Variants in SDK1 observed in about 807,000 individuals in gnomAD.
SDK1 encodes the protein sidekick cell adhesion molecule 1.
SDK1 carries 157 observed loss-of-function variants against 245.5 expected under a neutral mutation model. The ratio of observed to expected loss-of-function variants is 0.64; its 90% confidence interval spans 0.56 to 0.73. The LOEUF is 0.73. SDK1 is among the 30% of genes least tolerant of loss of function. The pLI is 0.00. For synonymous variants in SDK1, 1,647 were observed against 1,278.5 expected, an observed-to-expected ratio of 1.29 and a Z score of -6.15; for missense variants, 3,583 against 3,002.3, an observed-to-expected ratio of 1.19 and a Z score of -4.52.
At chr7:3,358,466 T>C (rs1780867484) in intron 1 of SDK1, among the ~76,000 whole-genome samples, 1 of 152,140 alleles carries the variant, frequency 6.6e-6, no homozygotes, top group African/African-American at 2.4e-5. Flanking sequence ...TTCTCTTTTC[T>C]TTTTTTCCCC....
intron 23 of SDK1, among the ~76,000 whole-genome samples, chr7:4,112,556 A>G (rs1025974649): frequency 1.3e-5 from 2 of 152,146 alleles, no homozygotes; most frequent in Admixed American, 1.3e-4. Flanking sequence ...TGATATTCCA[A>G]TTCTGTCCCA....
Position 4,017,648 on chromosome 7 carries a change from C to G in SDK1, c.2602+296C>G, listed in dbSNP as rs17134179. Among the ~76,000 whole-genome samples, 1,481 of 152,240 alleles carry G rather than the reference C, an allele frequency of 9.7e-3. 23 individuals carry two copies. The highest frequency in any genetic ancestry group is 0.034 in the African/African-American group (1,420 of 41,550). ...GAAAAGTCTGTGGAACTGGATTTTT[C>G]TAAATGGAATGATTGTAGGTTTTCA... On this transcript the variant is annotated intron_variant, in intron 17 of 44. Coordinates refer to ENST00000404826, the MANE Select transcript of SDK1 (RefSeq NM_152744.4).
chr7:4,232,669 G>T (rs1241299070), intron 40 of SDK1, among the ~76,000 whole-genome samples: 1 of 151,354 alleles, frequency 6.6e-6, no homozygotes, highest in Non-Finnish European at 1.5e-5. Context: ...TCCCTGTGTT[G>T]CCCAGGCTGG....
At chr7:4,175,653 G>A (rs575159971) in intron 33 of SDK1, 122 bp from the exon 34 acceptor site, 526 of 821,496 alleles carry the variant, frequency 6.4e-4, no homozygotes, top group Non-Finnish European at 8.9e-4. Context: ...CCCGGGAGGC[G>A]CAGCGTGGGA....
At chr7:3,989,264 C>G (rs1784110504) in intron 14 of SDK1, among the ~76,000 whole-genome samples, 2 of 152,186 alleles carry the variant, frequency 1.3e-5, no homozygotes. Context: ...TGGCGGCAGA[C>G]AAGAGAAGAC....
At chr7:3,386,671 C>G (rs912304331) in intron 1 of SDK1, among the ~76,000 whole-genome samples, 13 of 152,278 alleles carry the variant, frequency 8.5e-5, no homozygotes, top group African/African-American at 2.9e-4. Context: ...TAATGAAAAT[C>G]AAGCCCAGAT....
intron 1 of SDK1, among the ~76,000 whole-genome samples, chr7:3,478,915 T>C (rs1403206011): frequency 6.6e-6 from 1 of 152,340 alleles, no homozygotes; most frequent in South Asian, 2.1e-4. Flanking sequence ...TTTAGCTTTA[T>C]GATTTCTTCT....
intron 1 of SDK1, among the ~76,000 whole-genome samples, chr7:3,396,710 C>T (rs1053047384): frequency 3.3e-5 from 5 of 151,598 alleles, no homozygotes; most frequent in South Asian, 2.1e-4. Flanking sequence ...CTTTTCCCAT[C>T]CTTTTGTTTT....
At chr7:3,580,486 C>A in intron 1 of SDK1, among the ~76,000 whole-genome samples, 1 of 152,030 alleles carries the variant, frequency 6.6e-6, no homozygotes, top group East Asian at 1.9e-4. Flanking sequence ...ACAGATAAGG[C>A]CATCACACCT....
intron 13 of SDK1, 25 bp from the exon 14 acceptor site, chr7:3,987,161 T>G: frequency 6.2e-7 from 1 of 1,613,068 alleles, no homozygotes; most frequent in Admixed American, 1.7e-5. Context: ...TTCCTCTTTT[T>G]CCTTTTCATC....
In SDK1 at chr7:4,149,350, C is replaced by T. The variant is rs773729589; in HGVS notation, c.4512C>T (p.Asp1504=). 3.8e-6 allele frequency: 6 copies of T among 1,590,876 alleles called. No homozygotes were observed. The highest frequency in any genetic ancestry group is 4.7e-5 in the East Asian group (2 of 42,752). ...SLRLQWVPGS[D]GASPIRYFTM... is the part of the protein sequence containing the mutation. ...GGCTCCAGTGGGTCCCGGGCAGCGA[C>T]GGGGCCTCCCCCATCCGGTACTTCA... The change falls in exon 30 of 45, where the codon GAC becomes GAT. Residue 1504 remains aspartate (D), a synonymous_variant. Coordinates refer to ENST00000404826, the MANE Select transcript of SDK1 (RefSeq NM_152744.4).
At chr7:3,881,454 T>C (rs1363081374) in intron 5 of SDK1, among the ~76,000 whole-genome samples, 3 of 152,254 alleles carry the variant, frequency 2.0e-5, no homozygotes, top group African/African-American at 2.4e-5. Context: ...TGTGGCTGCA[T>C]GGTATTCCAT....
chr7:3,978,156 T>C lies in SDK1; in HGVS notation c.1994+3611T>C, dbSNP rs181233342. Among the ~76,000 whole-genome samples the C allele has an allele frequency of 2.6e-5, 4 of 152,278 alleles. No individual in the cohort carries two copies. The East Asian group carries it at 5.8e-4, about 22-fold the overall frequency. On this transcript the variant is annotated intron_variant, in intron 13 of 44. Coordinates refer to ENST00000404826, the MANE Select transcript of SDK1 (RefSeq NM_152744.4). ...TGAGTTCCTAGGAGCTGTTGTATTA[T>C]GCACATTTTTAAAGCTACCTTTGAG...
At chr7:4,138,900 A>C (rs1450024645) in intron 28 of SDK1, among the ~76,000 whole-genome samples, 2 of 152,226 alleles carry the variant, frequency 1.3e-5, no homozygotes, top group Non-Finnish European at 1.5e-5. Context: ...CCATCACCCC[A>C]GCTTCCAGGC....
At chr7:3,897,832 C>A (rs1235413510) in intron 5 of SDK1, among the ~76,000 whole-genome samples, 2 of 152,052 alleles carry the variant, frequency 1.3e-5, no homozygotes, top group African/African-American at 4.8e-5. Context: ...AATCCCCTTT[C>A]TTTCCATATT....
intron 35 of SDK1, among the ~76,000 whole-genome samples, chr7:4,190,480 C>T (rs1010818537): frequency 2.0e-5 from 3 of 152,220 alleles, no homozygotes; most frequent in African/African-American, 7.2e-5. Context: ...GGGGGCTCCC[C>T]GGGCGCTATC....
At chr7:3,574,195 C>G (rs1041103458) in intron 1 of SDK1, among the ~76,000 whole-genome samples, 1 of 151,598 alleles carries the variant, frequency 6.6e-6, no homozygotes, top group African/African-American at 2.4e-5. Flanking sequence ...CGGCTCACTG[C>G]AACCTCCACC....
chr7:3,324,911 TA>T, intron 1 of SDK1, among the ~76,000 whole-genome samples: 1 of 152,264 alleles, frequency 6.6e-6, no homozygotes, highest in South Asian at 2.1e-4. Context: ...TAACAGAAGG[TA>T]AACTTTCCAT....
chr7:3,315,585 G>T (rs1341189411), intron 1 of SDK1, among the ~76,000 whole-genome samples: 1 of 152,184 alleles, frequency 6.6e-6, no homozygotes, highest in Non-Finnish European at 1.5e-5. Context: ...ATAATATGAT[G>T]CAGTGAGTAT....
Sources: allele counts gnomAD v4.1 joint callset (sites outside exome capture counted in the v4.1 genomes callset), GRCh38; gene constraint gnomAD v4.1.1; transcripts MANE v1.5; gene names NCBI Gene and HGNC (gene_info 2026-07-23, HGNC 2026-07-21).